Variants in CLEC6A observed in about 807,000 individuals in gnomAD.
CLEC6A encodes C-type lectin domain family 6 member A.
CLEC6A carries 22 observed loss-of-function variants against 25.7 expected under a neutral mutation model. The ratio of observed to expected loss-of-function variants is 0.85; its 90% CI spans 0.61 to 1.22. The LOEUF is 1.22. CLEC6A is among the 50% of genes most tolerant of loss of function. The probability of loss-of-function intolerance (pLI) is 0.00; values close to 1 mark genes in which losing one functional copy is unlikely to be tolerated. For synonymous variants in CLEC6A, 92 were observed against 76.7 expected (o/e 1.20, Z -1.04); for missense variants, 240 against 236.8 (o/e 1.01, Z -0.09).
chr12:8,470,118 G>A (rs1939885956), intron 4 of CLEC6A, among the ~76,000 whole-genome samples: 3 of 152,080 alleles, frequency 2.0e-5, no homozygotes, highest in Non-Finnish European at 4.4e-5. Context: ...CAAAAAGTGG[G>A]CTAAGGACAT....
intron 4 of CLEC6A, among the ~76,000 whole-genome samples, chr12:8,466,663 T>TG (rs1361076702): frequency 2.5e-4 from 2 of 8,000 alleles, no homozygotes; most frequent in Admixed American, 2.4e-3. Flanking sequence ...TGTTGTTTTG[T>TG]TTTTTTTTTT....
rs1234042482 is a variant in CLEC6A, at chr12:8,456,065, G to C, written c.-47G>C. On this transcript the variant is annotated 5_prime_UTR_variant, in exon 1 of 6. Coordinates refer to ENST00000382073, the MANE Select transcript of CLEC6A (RefSeq NM_001007033.2). ...TCTCTGGGCAACATCTTTAGGGAGA[G>C]AGGTACAAAAGGTTCCTGGACCTTC... The C allele has an allele frequency of 1.2e-5, 20 of 1,600,556 alleles. No homozygotes were observed. Among genetic ancestry groups the C allele is most frequent in the Non-Finnish European group, 1.6e-5 (19 of 1,168,536 alleles).
At chr12:8,468,888 T>C (rs1049964158) in intron 4 of CLEC6A, among the ~76,000 whole-genome samples, 1 of 152,090 alleles carries the variant, frequency 6.6e-6, no homozygotes, top group Non-Finnish European at 1.5e-5. Context: ...AAGACAAGGA[T>C]GCCCACTCTT....
rs1389553607 is a variant in CLEC6A at position 8,456,077 on chromosome 12, G to T, written c.-35G>T. On this transcript the variant is annotated 5_prime_UTR_variant, in exon 1 of 6. Transcript: ENST00000382073. ...ATCTTTAGGGAGAGAGGTACAAAAG[G>T]TTCCTGGACCTTCTCAACACAGGGA... The T allele has an allele frequency of 8.7e-6, 14 of 1,612,080 alleles. No homozygotes were observed. The highest frequency in any genetic ancestry group is 4.4e-5 in the South Asian group (4 of 90,966).
intron 1 of CLEC6A, among the ~76,000 whole-genome samples, chr12:8,456,603 C>T (rs952097106): frequency 1.3e-5 from 2 of 151,998 alleles, no homozygotes; most frequent in East Asian, 1.9e-4. Flanking sequence ...GCATGTCCAT[C>T]AATAATGTTT....
chr12:8,456,763 T>A (rs1253935757), intron 1 of CLEC6A, among the ~76,000 whole-genome samples: 1 of 152,170 alleles, frequency 6.6e-6, no homozygotes, highest in Non-Finnish European at 1.5e-5. Context: ...TATCATGTCT[T>A]TGTGTTTGGA....
At chr12:8,474,341 G>A (rs879714214) in intron 4 of CLEC6A, among the ~76,000 whole-genome samples, 5 of 152,098 alleles carry the variant, frequency 3.3e-5, no homozygotes, top group Admixed American at 2.0e-4. Context: ...TTTCTCTACT[G>A]CTTTCTATTG....
At chr12:8,463,054 C>T (rs937422180) in intron 3 of CLEC6A, among the ~76,000 whole-genome samples, 4 of 152,168 alleles carry the variant, frequency 2.6e-5, no homozygotes, top group African/African-American at 9.7e-5. Context: ...ACCCCCATCA[C>T]CCATTAAAAC....
intron 5 of CLEC6A, 98 bp from the exon 6 acceptor site, chr12:8,477,221 CT>C (rs1309787825): frequency 3.3e-6 from 3 of 898,086 alleles, no homozygotes; most frequent in East Asian, 5.3e-5. Context: ...AATGTTCTCT[CT>C]TCCTAAATCC....
At chr12:8,462,890 C>T (rs183101171) in intron 3 of CLEC6A, among the ~76,000 whole-genome samples, 18 of 152,276 alleles carry the variant, frequency 1.2e-4, no homozygotes, top group Admixed American at 1.2e-3. Flanking sequence ...AGGGGCAACC[C>T]ACCCCTTCAT....
intron 3 of CLEC6A, among the ~76,000 whole-genome samples, chr12:8,463,412 T>C (rs907362160): frequency 6.6e-6 from 1 of 152,232 alleles, no homozygotes; most frequent in Admixed American, 6.5e-5. Context: ...TGCTAACATA[T>C]TCAACACCAA....
chr12:8,474,042 A>G (rs766163726), intron 4 of CLEC6A, among the ~76,000 whole-genome samples: 1 of 152,038 alleles, frequency 6.6e-6, no homozygotes. Context: ...TGCTCCATTG[A>G]TAGTTTCTTT....
chr12:8,463,554 G>A (rs1939791408), intron 3 of CLEC6A, among the ~76,000 whole-genome samples: 1 of 152,096 alleles, frequency 6.6e-6, no homozygotes, highest in Admixed American at 6.5e-5. Flanking sequence ...ATCTGCTTAT[G>A]ACGATATAGT....
At chr12:8,467,132 T>C (rs1939842963) in intron 4 of CLEC6A, among the ~76,000 whole-genome samples, 1 of 152,244 alleles carries the variant, frequency 6.6e-6, no homozygotes, top group African/African-American at 2.4e-5. Context: ...TATTTTCTTT[T>C]ATTCCTTAGG....
At chr12:8,460,589 G>C (rs779329669) in intron 3 of CLEC6A, 1 of 1,088,562 alleles carries the variant, frequency 9.2e-7, no homozygotes, top group Non-Finnish European at 1.4e-6. Flanking sequence ...GAGCCTTTCT[G>C]TCTGGCGGAA....
intron 4 of CLEC6A, among the ~76,000 whole-genome samples, chr12:8,469,731 A>T (rs1939881212): frequency 6.6e-6 from 1 of 152,222 alleles, no homozygotes; most frequent in Admixed American, 6.5e-5. Flanking sequence ...GGCAAGCCAC[A>T]TGTAGAAGAA....
intron 3 of CLEC6A, among the ~76,000 whole-genome samples, chr12:8,462,842 C>A (rs1181694070): frequency 6.6e-6 from 1 of 152,252 alleles, no homozygotes; most frequent in East Asian, 1.9e-4. Context: ...TTTTCCAAGT[C>A]TCTCGTTCCA....
chr12:8,462,073 G>T (rs4883151), intron 3 of CLEC6A, among the ~76,000 whole-genome samples: 2 of 151,992 alleles, frequency 1.3e-5, no homozygotes, highest in African/African-American at 4.8e-5. Context: ...CCCCAACCCC[G>T]TGCTCTCTGA....
intron 3 of CLEC6A, 115 bp downstream of exon 3, chr12:8,459,813 T>C (rs867141174): frequency 2.9e-6 from 2 of 692,992 alleles, no homozygotes; most frequent in Non-Finnish European, 5.1e-6. Context: ...TATTAAAGCC[T>C]CTGCTTGGAT....
Sources: gnomAD v4.1 joint callset for allele counts (sites outside exome capture counted in the v4.1 genomes callset) on GRCh38, gnomAD v4.1.1 for gene constraint, MANE v1.5 for transcripts, NCBI Gene and HGNC (gene_info 2026-07-23, HGNC 2026-07-21) for gene names.